GPC5: variants seen among roughly 807,000 people sequenced by gnomAD.
GPC5 encodes the protein glypican-5.
A neutral mutation model predicts 53.9 loss-of-function variants in GPC5; 47 were observed. The ratio of observed to expected loss-of-function variants is 0.87; its 90% CI spans 0.69 to 1.11. The LOEUF (loss-of-function observed/expected upper bound fraction) is 1.11. GPC5 is among the 50% of genes most tolerant of loss of function. The pLI is 0.00. For synonymous variants in GPC5, 286 were observed against 263.3 expected (o/e 1.09, Z -0.84); for missense variants, 748 against 713.1 (o/e 1.05, Z -0.56).
chr13:92,711,587 C>T (rs1888142020), intron 7 of GPC5, among the ~76,000 whole-genome samples: 1 of 152,014 alleles, frequency 6.6e-6, no homozygotes, highest in Non-Finnish European at 1.5e-5. Context: ...CACCATCAAT[C>T]AACTGTCTCT....
intron 2 of GPC5, among the ~76,000 whole-genome samples, chr13:91,587,437 T>G (rs758849225): frequency 3.4e-4 from 52 of 152,152 alleles, no homozygotes; most frequent in Non-Finnish European, 6.8e-4. Context: ...ATAAAAATCT[T>G]TTTTAACTAA....
intron 6 of GPC5, among the ~76,000 whole-genome samples, chr13:92,124,016 C>A (rs2138949980): frequency 6.6e-6 from 1 of 151,896 alleles, no homozygotes; most frequent in Non-Finnish European, 1.5e-5. Context: ...AGCTTTGTTT[C>A]TCTTTTCTAG....
intron 6 of GPC5, among the ~76,000 whole-genome samples, chr13:92,114,446 G>T (rs2041584194): frequency 6.6e-6 from 1 of 152,074 alleles, no homozygotes; most frequent in Non-Finnish European, 1.5e-5. Context: ...ATTCATCTCT[G>T]CCTGACAGTG....
chr13:92,737,480 T>C (rs528981722), intron 7 of GPC5, among the ~76,000 whole-genome samples: 5 of 152,196 alleles, frequency 3.3e-5, no homozygotes, highest in Admixed American at 2.0e-4. Flanking sequence ...GAATATCAGA[T>C]TCACTATGAA....
intron 7 of GPC5, among the ~76,000 whole-genome samples, chr13:92,615,027 C>T (rs1210036825): frequency 6.6e-6 from 1 of 152,148 alleles, no homozygotes; most frequent in African/African-American, 2.4e-5. Flanking sequence ...AACAGTAATG[C>T]TTTTCTCCTT....
At chr13:91,472,774 C>G (rs1217284769) in intron 2 of GPC5, among the ~76,000 whole-genome samples, 1 of 152,100 alleles carries the variant, frequency 6.6e-6, no homozygotes, top group Non-Finnish European at 1.5e-5. Flanking sequence ...TGAATTTGTG[C>G]CTTCGTACTT....
chr13:92,823,886 C>T, intron 7 of GPC5, among the ~76,000 whole-genome samples: 1 of 152,048 alleles, frequency 6.6e-6, no homozygotes. Context: ...GACAATACCA[C>T]TTATCTCAAT....
intron 7 of GPC5, among the ~76,000 whole-genome samples, chr13:92,254,850 C>A (rs2042716326): frequency 6.6e-6 from 1 of 152,138 alleles, no homozygotes; most frequent in African/African-American, 2.4e-5. Flanking sequence ...GATGTAATCA[C>A]CTCCCATGGG....
intron 7 of GPC5, among the ~76,000 whole-genome samples, chr13:92,243,716 A>G (rs1360387): frequency 0.56 from 85,587 of 151,872 alleles, 24,378 homozygotes; most frequent in South Asian, 0.65. Flanking sequence ...TAATGGAGTA[A>G]AAAGTAAAAT....
chr13:92,419,819 C>G (rs1273321417), intron 7 of GPC5, among the ~76,000 whole-genome samples: 1 of 152,132 alleles, frequency 6.6e-6, no homozygotes, highest in African/African-American at 2.4e-5. Context: ...TTCTTCATCT[C>G]TTATTCCTAT....
chr13:91,753,064 T>A (rs533232089), intron 4 of GPC5, among the ~76,000 whole-genome samples: 23 of 152,352 alleles, frequency 1.5e-4, no homozygotes, highest in African/African-American at 4.6e-4. Flanking sequence ...TTGATGACTA[T>A]TTATTGGGGC....
chr13:91,506,612 T>C (rs1884957354), intron 2 of GPC5, among the ~76,000 whole-genome samples: 1 of 152,082 alleles, frequency 6.6e-6, no homozygotes, highest in South Asian at 2.1e-4. Flanking sequence ...TAAGTAAAAA[T>C]CACTTCCCTC....
intron 2 of GPC5, among the ~76,000 whole-genome samples, chr13:91,672,939 G>A (rs929235291): frequency 3.3e-5 from 5 of 152,130 alleles, no homozygotes; most frequent in African/African-American, 7.2e-5. Flanking sequence ...GCAGGGACAC[G>A]GATGAAGCTG....
chr13:92,300,394 T>G (rs1244754205), intron 7 of GPC5, among the ~76,000 whole-genome samples: 1 of 152,190 alleles, frequency 6.6e-6, no homozygotes, highest in Non-Finnish European at 1.5e-5. Flanking sequence ...GCATAGATTT[T>G]AGGCTCCATC....
chr13:91,955,925 CACCCTGAGG>C (rs1284159232), intron 6 of GPC5, among the ~76,000 whole-genome samples: 7 of 152,184 alleles, frequency 4.6e-5, no homozygotes, highest in African/African-American at 1.4e-4. Flanking sequence ...AGTTTACAAG[CACCCTGAGG>C]ACAGCCTATG....
At chr13:92,226,705 T>C (rs2042489148) in intron 7 of GPC5, among the ~76,000 whole-genome samples, 1 of 151,778 alleles carries the variant, frequency 6.6e-6, no homozygotes, top group Admixed American at 6.6e-5. Flanking sequence ...TTCAAGCGAT[T>C]CTCCTTCCCC....
intron 1 of GPC5, among the ~76,000 whole-genome samples, chr13:91,406,859 T>A (rs1306457406): frequency 6.6e-6 from 1 of 152,198 alleles, no homozygotes; most frequent in Non-Finnish European, 1.5e-5. Context: ...CGCCCTCTTG[T>A]GGTCCTGTAT....
intron 7 of GPC5, among the ~76,000 whole-genome samples, chr13:92,313,638 A>G (rs1174926979): frequency 1.3e-5 from 2 of 152,314 alleles, no homozygotes; most frequent in East Asian, 3.9e-4. Context: ...TGTGACACAG[A>G]GGCTATAGAC....
chr13:92,039,773 C>T (rs2040927607), intron 6 of GPC5, among the ~76,000 whole-genome samples: 1 of 152,016 alleles, frequency 6.6e-6, no homozygotes, highest in Admixed American at 6.6e-5. Flanking sequence ...TGTGTGTGCA[C>T]ATGTCTGTTC....
Sources: allele counts gnomAD v4.1 joint callset (sites outside exome capture counted in the v4.1 genomes callset), GRCh38; gene constraint gnomAD v4.1.1; transcripts MANE v1.5; gene names NCBI Gene and HGNC (gene_info 2026-07-23, HGNC 2026-07-21).